The following SYNPR variants were observed in gnomAD, a reference collection of about 807,000 sequenced individuals.
The protein encoded by SYNPR is synaptoporin.
Under a neutral mutation model 32.9 loss-of-function variants are expected in SYNPR, and 23 were observed. The ratio of observed to expected loss-of-function variants is 0.70; its 90% CI spans 0.50 to 0.99. The LOEUF (loss-of-function observed/expected upper bound fraction) is 0.99. SYNPR is among the 50% of genes least tolerant of loss of function. SYNPR has a pLI of 0.00. For missense variants in SYNPR, 318 were observed against 349.3 expected (o/e 0.91, Z 0.71); for synonymous variants, 146 against 135.9 (o/e 1.07, Z -0.52).
intron 2 of SYNPR, among the ~76,000 whole-genome samples, chr3:63,321,559 G>T (rs561480598): frequency 6.6e-6 from 1 of 152,192 alleles, no homozygotes; most frequent in Non-Finnish European, 1.5e-5. Flanking sequence ...AATATCCCCT[G>T]TAAATTGGCC....
chr3:63,408,186 GAAAGAAAGAGGAAGGA>G lies in SYNPR; in HGVS notation c.85-72644_85-72629del, dbSNP rs1295839489. Among the ~76,000 whole-genome samples the G allele has an allele frequency of 4.3e-4, 41 of 95,372 alleles. 6 individuals are homozygous for G. Among genetic ancestry groups the G allele is most frequent in the African/African-American group, 1.7e-3 (38 of 22,522 alleles). The allele number at this position is 95,372 out of a possible 152,430, so 62.6% of individuals were successfully genotyped here. On this transcript the variant is annotated intron_variant, in intron 2 of 5. Coordinates refer to ENST00000478300, the MANE Select transcript of SYNPR (RefSeq NM_001130003.2). ...AGAAAGAAAGAAAGAAAGAAAGAAA[GAAAGAAAGAGGAAGGA>G]AGGAAGGAAGGAAGGAAGGAAGGAA...
intron 4 of SYNPR, among the ~76,000 whole-genome samples, chr3:63,591,398 C>T (rs966727738): frequency 7.1e-5 from 9 of 127,554 alleles, no homozygotes; most frequent in Non-Finnish European, 1.1e-4. Flanking sequence ...GTCAGTGTGG[C>T]GATTCCTCAG....
At chr3:63,334,515 A>AGTGTGTGTGTGTGTGT (rs138498529) in intron 2 of SYNPR, among the ~76,000 whole-genome samples, 1 of 149,288 alleles carries the variant, frequency 6.7e-6, no homozygotes, top group Admixed American at 6.7e-5. Context: ...GTCTCAATGA[A>AGTGTGTGTGTGTGTGT]GTGTGTGTGT....
chr3:63,434,343 C>T (rs1700043497), intron 2 of SYNPR, among the ~76,000 whole-genome samples: 1 of 152,186 alleles, frequency 6.6e-6, no homozygotes, highest in African/African-American at 2.4e-5. Context: ...ATTGTAATTT[C>T]CATCAGCCTC....
At chr3:63,284,033 C>T (rs1319849506) in intron 2 of SYNPR, among the ~76,000 whole-genome samples, 1 of 152,078 alleles carries the variant, frequency 6.6e-6, no homozygotes, top group Non-Finnish European at 1.5e-5. Flanking sequence ...TGGTCTCGAT[C>T]TCCTGACCTC....
At chr3:63,402,278 A>G (rs2107103076) in intron 2 of SYNPR, among the ~76,000 whole-genome samples, 2 of 152,240 alleles carry the variant, frequency 1.3e-5, no homozygotes, top group Middle Eastern at 6.8e-3. Flanking sequence ...CAAAGTGGTG[A>G]CCATCAGAAA....
chr3:63,352,788 T>G (rs909427867), intron 2 of SYNPR, among the ~76,000 whole-genome samples: 2 of 152,138 alleles, frequency 1.3e-5, no homozygotes, highest in African/African-American at 4.8e-5. Flanking sequence ...AGGGATGTCT[T>G]GCATGGTGGC....
chr3:63,414,977 C>T (rs1318697704), intron 2 of SYNPR, among the ~76,000 whole-genome samples: 3 of 152,148 alleles, frequency 2.0e-5, no homozygotes, highest in Non-Finnish European at 4.4e-5. Context: ...TTTACTGGCT[C>T]ACCAGAGCCC....
chr3:63,516,117 A>G (rs556113757), intron 3 of SYNPR, among the ~76,000 whole-genome samples: 1 of 152,268 alleles, frequency 6.6e-6, no homozygotes, highest in East Asian at 1.9e-4. Flanking sequence ...GTATATCCAT[A>G]TGTGATATCA....
At chr3:63,386,213 G>A (rs2088042452) in intron 2 of SYNPR, among the ~76,000 whole-genome samples, 1 of 152,206 alleles carries the variant, frequency 6.6e-6, no homozygotes, top group Non-Finnish European at 1.5e-5. Context: ...GAAAGGAAAT[G>A]GAGGCACAGA....
intron 2 of SYNPR, among the ~76,000 whole-genome samples, chr3:63,383,984 T>G (rs1418600842): frequency 6.6e-6 from 1 of 152,240 alleles, no homozygotes; most frequent in African/African-American, 2.4e-5. Context: ...GTAAGTATAT[T>G]TAAAGGCTCG....
chr3:63,485,215 T>C (rs1321917510), intron 3 of SYNPR, among the ~76,000 whole-genome samples: 2 of 151,834 alleles, frequency 1.3e-5, no homozygotes, highest in African/African-American at 2.4e-5. Context: ...CCTGTTCTTG[T>C]AAAAAAATGA....
intron 2 of SYNPR, among the ~76,000 whole-genome samples, chr3:63,414,802 T>G (rs2088517956): frequency 6.6e-6 from 1 of 152,218 alleles, no homozygotes; most frequent in Admixed American, 6.5e-5. Flanking sequence ...GCACATATAA[T>G]GAAGTTAGTC....
At chr3:63,357,033 C>T (rs971839770) in intron 2 of SYNPR, among the ~76,000 whole-genome samples, 4 of 152,226 alleles carry the variant, frequency 2.6e-5, no homozygotes, top group African/African-American at 9.6e-5. Flanking sequence ...GAATGCTCCA[C>T]AGATGATGAC....
At chr3:63,371,888 G>C (rs984764600) in intron 2 of SYNPR, among the ~76,000 whole-genome samples, 6 of 152,098 alleles carry the variant, frequency 3.9e-5, no homozygotes, top group Non-Finnish European at 8.8e-5. Context: ...CCACCCTCAG[G>C]ATGGGGAAGG....
rs60616720 is a variant in SYNPR, at chr3:63,261,711, T to TATAATAATA, written n.155-5587_155-5579dup. Among the ~76,000 whole-genome samples the TATAATAATA allele has an allele frequency of 3.4e-3, 498 of 145,616 alleles. 6 individuals carry two copies. Among genetic ancestry groups the TATAATAATA allele is most frequent in the African/African-American group, 0.011 (429 of 39,198 alleles). On this transcript the variant is annotated intron_variant and non_coding_transcript_variant, in intron 2 of 4. Transcript: ENST00000478456. ...TGCATATGTACCCTAAAACTTAAAGTATAATAATAATAATAATAATAATAA... is the reference window on the plus strand; with the variant it reads ...TGCATATGTACCCTAAAACTTAAAGTATAATAATAATAATAATAATAATAATAATAATAA...
chr3:63,457,711 G>T (rs1290946135), intron 2 of SYNPR, among the ~76,000 whole-genome samples: 1 of 152,036 alleles, frequency 6.6e-6, no homozygotes, highest in Non-Finnish European at 1.5e-5. Flanking sequence ...GAGGGAGAAG[G>T]TCACCTGAAA....
chr3:63,272,015 A>G (rs1560174899), intron 3 of SYNPR, among the ~76,000 whole-genome samples: 1 of 152,186 alleles, frequency 6.6e-6, no homozygotes, highest in Non-Finnish European at 1.5e-5. Context: ...ATTTTGAAAG[A>G]AGGAAAGAAA....
intron 2 of SYNPR, among the ~76,000 whole-genome samples, chr3:63,254,031 G>A (rs1002184184): frequency 1.2e-4 from 19 of 152,034 alleles, no homozygotes; most frequent in African/African-American, 4.6e-4. Context: ...CATGGATGAA[G>A]CTGGAAACCA....
Sources: allele counts gnomAD v4.1 joint callset (sites outside exome capture counted in the v4.1 genomes callset), GRCh38; gene constraint gnomAD v4.1.1; transcripts MANE v1.5; gene names NCBI Gene and HGNC (gene_info 2026-07-23, HGNC 2026-07-21).